Variants in NOP14 observed in about 807,000 individuals in gnomAD.
The protein encoded by NOP14 is nucleolar protein 14.
A neutral mutation model predicts 101.6 loss-of-function variants in NOP14; 57 were observed. The observed-to-expected ratio is 0.56, with a 90% CI of 0.45 to 0.70. The LOEUF is 0.70. Among genes scored for constraint, NOP14 ranks in the 30% least tolerant of loss-of-function variants. The pLI, the probability that NOP14 is intolerant of heterozygous loss-of-function variation, is 0.00. For missense variants in NOP14, 1,134 were observed against 1,075.5 expected, an observed-to-expected ratio of 1.05 and a Z score of -0.76; for synonymous variants, 428 against 424.0, an observed-to-expected ratio of 1.01 and a Z score of -0.12.
chr4:2,956,596 G>A, intron 3 of NOP14, 74 bp downstream of exon 3: 2 of 1,406,982 alleles, frequency 1.4e-6, no homozygotes, highest in Non-Finnish European at 1.9e-6. Context: ...TCTAAGAAGA[G>A]CAGAAGGTCT....
At chr4:2,963,067 C>A (rs1716235923) in intron 1 of NOP14, 58 bp downstream of exon 1, 2 of 1,448,710 alleles carry the variant, frequency 1.4e-6, no homozygotes, top group East Asian at 5.4e-5. Context: ...CGCAGCCGGC[C>A]GAGAGCAGCG....
intron 1 of NOP14, among the ~76,000 whole-genome samples, chr4:2,960,666 T>A (rs188972117): frequency 2.2e-5 from 3 of 137,962 alleles, no homozygotes; most frequent in Admixed American, 1.5e-4. Flanking sequence ...TATATATTAT[T>A]ATATTAATAT....
intron 5 of NOP14, among the ~76,000 whole-genome samples, chr4:2,953,046 C>T (rs763278965): frequency 1.3e-5 from 2 of 152,244 alleles, no homozygotes; most frequent in Non-Finnish European, 2.9e-5. Context: ...GCACAGATGA[C>T]CACATGACAC....
rs921005693 is a variant in NOP14 at position 2,957,669 on chromosome 4, T to C, written c.267A>G (p.Gly89=). Residue 89 remains glycine (G), a synonymous_variant, in exon 2 of 18, where the codon GGA becomes GGG. Transcript: ENST00000416614. ...KSNVFRDKRF[G]EYNSNMSPEE... is the part of the protein sequence containing the mutation. ...CGGGGCTCATGTTGCTGTTGTATTC[T>C]CCGAAGCGTTTATCTCTGAATACAT... 1 of 1,614,154 alleles carries C rather than the reference T, an allele frequency of 6.2e-7. No individual in the cohort carries two copies. The highest frequency in any genetic ancestry group is 1.3e-5 in the African/African-American group (1 of 75,064).
In NOP14 at chr4:2,957,916, A is replaced by G. The variant is rs181777638; in HGVS notation, c.196-176T>C. On this transcript the variant is annotated intron_variant, in intron 1 of 17. Coordinates refer to ENST00000416614, the MANE Select transcript of NOP14 (RefSeq NM_001291978.2). ...CTACTAATCACAGAATTTTGAGAAGAGCAAAACAACTTTCAAGGATAATGG... is the reference window on the plus strand; with the variant it reads ...CTACTAATCACAGAATTTTGAGAAGGGCAAAACAACTTTCAAGGATAATGG... Among the ~76,000 whole-genome samples, 83 of 152,308 alleles carry G rather than the reference A, an allele frequency of 5.4e-4. 1 individual carries two copies. The highest frequency in any genetic ancestry group is 1.9e-3 in the African/African-American group (79 of 41,568).
At chr4:2,945,382 C>T (rs1032321315) in intron 11 of NOP14, among the ~76,000 whole-genome samples, 153 bp from the exon 12 acceptor site, 9 of 152,122 alleles carry the variant, frequency 5.9e-5, no homozygotes, top group Non-Finnish European at 1.2e-4. Context: ...ACAGAACAGG[C>T]GTCCAACCAC....
Position 2,952,378 on chromosome 4 carries a change from A to T in NOP14, c.767T>A (p.Met256Lys). 1 of 1,612,806 alleles carries T rather than the reference A, an allele frequency of 6.2e-7. No individual in the cohort carries two copies. Among genetic ancestry groups the T allele is most frequent in the Non-Finnish European group, 8.5e-7 (1 of 1,179,082 alleles). Reference sequence around the variant, plus strand: ...CATTTCAAAGCCAAGCTCGCGAACCATCATGTCATATGCATCGGGCTAAGG... The same window carrying T: ...CATTTCAAAGCCAAGCTCGCGAACCTTCATGTCATATGCATCGGGCTAAGG... ...EKPKPDAYDMMVRELGFEMKA... is the reference protein window; with the variant it reads ...EKPKPDAYDMKVRELGFEMKA... Residue 256 changes from methionine (M) to lysine (K), a missense_variant, in exon 6 of 18, where the codon ATG becomes AAG. Transcript: ENST00000416614.
At chr4:2,939,406 G>A in intron 16 of NOP14, 63 bp from the exon 17 acceptor site, 3 of 1,608,432 alleles carry the variant, frequency 1.9e-6, no homozygotes, top group African/African-American at 1.3e-5. Flanking sequence ...GCCAGAGCCT[G>A]CTTGGGAGTG....
At position 2,939,300 on chromosome 4, in the gene NOP14, C is replaced by G. The variant is rs1435408573; in HGVS notation, c.2362G>C (p.Glu788Gln). 6.2e-7 allele frequency: 1 copy of G among 1,613,958 alleles called. No homozygotes were observed. The highest frequency in any genetic ancestry group is 1.3e-5 in the African/African-American group (1 of 74,956). The change falls in exon 17 of 18, where the codon GAA becomes CAA. Residue 788 changes from glutamate (E) to glutamine (Q), a missense_variant. Glu to Gln is a conservative substitution (Grantham distance 29). Coordinates refer to ENST00000416614, the MANE Select transcript of NOP14 (RefSeq NM_001291978.2). ...RKQGSSKEEQ[E>Q]RKRLIHKHKR... Reference sequence around the variant, plus strand: ...TGTTTGTGGATCAGCCTCTTCCTTTCCTGTTCCTCCTTACTACTGCCTTGT... The same window carrying G: ...TGTTTGTGGATCAGCCTCTTCCTTTGCTGTTCCTCCTTACTACTGCCTTGT...
chr4:2,942,640 G>A (rs763226206), intron 13 of NOP14, among the ~76,000 whole-genome samples: 2 of 152,184 alleles, frequency 1.3e-5, no homozygotes, highest in African/African-American at 4.8e-5. Context: ...CTGATGAGGC[G>A]CTCAGGCCAC....
In NOP14 at chr4:2,956,822, A is replaced by G; in HGVS notation, c.331-11T>C. On this transcript the variant is annotated splice_polypyrimidine_tract_variant and intron_variant, in intron 2 of 17. Coordinates refer to ENST00000416614, the MANE Select transcript of NOP14 (RefSeq NM_001291978.2). Reference sequence around the variant, plus strand: ...TTTCTCATGATGTCGCTGACAGAAGAGAAAAAAAGTTTCCTAAAATTACCA... The same window carrying G: ...TTTCTCATGATGTCGCTGACAGAAGGGAAAAAAAGTTTCCTAAAATTACCA... The G allele has an allele frequency of 1.3e-6, 2 of 1,575,232 alleles. No homozygotes were observed. Among genetic ancestry groups the G allele is most frequent in the Non-Finnish European group, 1.7e-6 (2 of 1,168,366 alleles).
chr4:2,961,441 A>G (rs936257040), intron 1 of NOP14: 2 of 152,186 alleles, frequency 1.3e-5, no homozygotes, highest in Non-Finnish European at 2.9e-5. Flanking sequence ...TGAGTGCCTC[A>G]GAGTGCTACA....
At chr4:2,947,772 C>G (rs1714753494) in intron 9 of NOP14, 161 bp from the exon 10 acceptor site, 1 of 641,698 alleles carries the variant, frequency 1.6e-6, no homozygotes, top group African/African-American at 1.8e-5. Context: ...TAAGCAAATA[C>G]ACTGCTAGAA....
In NOP14 at chr4:2,956,801, T is replaced by C; in HGVS notation, c.341A>G (p.Glu114Gly). Residue 114 changes from glutamate (E) to glycine (G), a missense_variant, in exon 3 of 18, where the codon GAG becomes GGG. By Grantham distance (98) the Glu-to-Gly change is moderately conservative (BLOSUM62 -2). Coordinates refer to ENST00000416614, the MANE Select transcript of NOP14 (RefSeq NM_001291978.2). ...RFALEQQRHH[E>G]KKSIYNLNED... ...ATTTAGATTGTAGATGCTTTTTTTC[T>C]CATGATGTCGCTGACAGAAGAGAAA... 6.2e-7 allele frequency: 1 copy of C among 1,600,464 alleles called. No individual in the cohort carries two copies. Among genetic ancestry groups the C allele is most frequent in the Non-Finnish European group, 8.5e-7 (1 of 1,176,714 alleles).
chr4:2,961,231 G>GTA (rs369843460), intron 1 of NOP14: 7 of 29,392 alleles, frequency 2.4e-4, no homozygotes, highest in Admixed American at 5.9e-4. Flanking sequence ...AATATTGTTA[G>GTA]TATATTAATA....
At chr4:2,954,900 C>T (rs1226747041) in intron 3 of NOP14, among the ~76,000 whole-genome samples, 3 of 152,058 alleles carry the variant, frequency 2.0e-5, no homozygotes, top group Non-Finnish European at 4.4e-5. Context: ...TTGGTGGGAG[C>T]GTCGCCCAGG....
chr4:2,948,947 C>T (rs1157376190), intron 8 of NOP14, among the ~76,000 whole-genome samples: 1 of 152,160 alleles, frequency 6.6e-6, no homozygotes, highest in Non-Finnish European at 1.5e-5. Flanking sequence ...AAGGAAATGC[C>T]CTCCCACCTT....
chr4:2,949,896 T>G (rs1441469470), intron 8 of NOP14, 38 bp downstream of exon 8: 1 of 1,611,904 alleles, frequency 6.2e-7, no homozygotes, highest in Non-Finnish European at 8.5e-7. Flanking sequence ...GTCATAAAGG[T>G]TATCCCAGAA....
At chr4:2,959,352 G>A (rs1715552217) in intron 1 of NOP14, among the ~76,000 whole-genome samples, 2 of 152,194 alleles carry the variant, frequency 1.3e-5, no homozygotes, top group African/African-American at 2.4e-5. Context: ...CAGCACTCTG[G>A]GAGGCCAAGG....
Sources: gnomAD v4.1 joint callset for allele counts (sites outside exome capture counted in the v4.1 genomes callset) on GRCh38, gnomAD v4.1.1 for gene constraint, MANE v1.5 for transcripts, NCBI Gene and HGNC (gene_info 2026-07-23, HGNC 2026-07-21) for gene names.